C10orf67: variants seen among roughly 807,000 people sequenced by gnomAD.
The protein encoded by C10orf67 is chromosome 10 open reading frame 67, also known as uncharacterized protein C10orf67, mitochondrial.
In C10orf67, 60 loss-of-function variants were observed where a neutral mutation model predicts 35.6. The observed-to-expected ratio is 1.68, with a 90% CI of 1.37 to 2.09. C10orf67 has a LOEUF of 2.09. Ranked by LOEUF, C10orf67 falls within the 30% of genes most tolerant of loss-of-function variation. The pLI, the probability that C10orf67 is intolerant of heterozygous loss-of-function variation, is 0.00. For missense variants in C10orf67, 474 were observed against 330.2 expected, an observed-to-expected ratio of 1.44 and a Z score of -3.38; for synonymous variants, 167 against 115.8, an observed-to-expected ratio of 1.44 and a Z score of -2.84.
intron 13 of C10orf67, among the ~76,000 whole-genome samples, chr10:23,236,690 C>T (rs1842061464): frequency 6.6e-6 from 1 of 151,976 alleles, no homozygotes; most frequent in Admixed American, 6.6e-5. Flanking sequence ...TCAGCCTGGT[C>T]AACATGGTGA....
intron 1 of C10orf67, chr10:23,344,338 G>T (rs1369992882): frequency 1.7e-6 from 1 of 580,574 alleles, no homozygotes; most frequent in Non-Finnish European, 3.1e-6. Context: ...GCACGCGCGG[G>T]AGGAGGGGAG....
chr10:23,254,974 G>GA (rs1300806985), intron 10 of C10orf67, among the ~76,000 whole-genome samples: 1 of 152,112 alleles, frequency 6.6e-6, no homozygotes, highest in African/African-American at 2.4e-5. Context: ...GACTCATCAT[G>GA]ATGAAGAATG....
Position 23,333,091 on chromosome 10 carries a change from A to G in C10orf67, c.298T>C (p.Leu100=). The G allele has an allele frequency of 6.2e-7, 1 of 1,612,252 alleles. No homozygotes were observed. The change falls in exon 2 of 16, where the codon TTG becomes CTG. Residue 100 remains leucine (L), a synonymous_variant. Coordinates refer to ENST00000636213, the MANE Select transcript of C10orf67 (RefSeq NM_001371909.1). ...GCTAACTTTTGCGTAGATGAACTCA[A>G]TTCTTTTACTGACAGTATTTCACTG... ...DSSEILSVKE[L]SSSTQKLAQM... is the part of the protein sequence containing the mutation.
At chr10:23,229,878 G>T (rs910239315) in intron 13 of C10orf67, among the ~76,000 whole-genome samples, 1 of 152,032 alleles carries the variant, frequency 6.6e-6, no homozygotes, top group African/African-American at 2.4e-5. Context: ...AAGACTCAGT[G>T]ATCAAGATGC....
chr10:23,220,174 G>GAA (rs1009244725), intron 15 of C10orf67, among the ~76,000 whole-genome samples: 1 of 146,744 alleles, frequency 6.8e-6, no homozygotes, highest in East Asian at 2.0e-4. Flanking sequence ...CCCATCTCAA[G>GAA]AAAAAAAAAA....
chr10:23,272,252 A>G (rs914022519), intron 8 of C10orf67, among the ~76,000 whole-genome samples: 8 of 152,176 alleles, frequency 5.3e-5, no homozygotes, highest in African/African-American at 1.9e-4. Flanking sequence ...GTAATTTGTT[A>G]TTTAAGAAAT....
intron 8 of C10orf67, among the ~76,000 whole-genome samples, chr10:23,274,304 G>T (rs1843117478): frequency 1.3e-5 from 2 of 152,116 alleles, no homozygotes; most frequent in African/African-American, 4.8e-5. Context: ...CAACTGGTCT[G>T]ACTAGAATTT....
At chr10:23,321,711 CATG>C (rs1242147297) in intron 3 of C10orf67, among the ~76,000 whole-genome samples, 1 of 152,142 alleles carries the variant, frequency 6.6e-6, no homozygotes, top group African/African-American at 2.4e-5. Context: ...TGGTACTTAA[CATG>C]GTGTGGTCAG....
chr10:23,290,024 C>A (rs1843672223), intron 6 of C10orf67, 66 bp from the exon 7 acceptor site: 1 of 709,194 alleles, frequency 1.4e-6, no homozygotes, highest in East Asian at 2.7e-5. Flanking sequence ...ATTTAAACGG[C>A]CTGCTTCAGG....
At chr10:23,205,816 C>A (rs1391242571) in intron 15 of C10orf67, among the ~76,000 whole-genome samples, 1 of 151,956 alleles carries the variant, frequency 6.6e-6, no homozygotes, top group Non-Finnish European at 1.5e-5. Flanking sequence ...AAATACAACT[C>A]AAAAAATCAT....
intron 15 of C10orf67, among the ~76,000 whole-genome samples, chr10:23,217,878 T>C (rs1841473739): frequency 2.0e-5 from 3 of 152,238 alleles, no homozygotes; most frequent in Non-Finnish European, 4.4e-5. Flanking sequence ...TAAATTTTTA[T>C]GATCTTGCAA....
At chr10:23,269,284 T>C (rs1054956396) in intron 8 of C10orf67, among the ~76,000 whole-genome samples, 1 of 152,132 alleles carries the variant, frequency 6.6e-6, no homozygotes, top group Non-Finnish European at 1.5e-5. Flanking sequence ...TAAATAAACA[T>C]ATATGTTTGC....
intron 4 of C10orf67, among the ~76,000 whole-genome samples, chr10:23,307,626 T>A (rs1380448712): frequency 7.1e-6 from 1 of 141,158 alleles, no homozygotes; most frequent in Non-Finnish European, 1.5e-5. Flanking sequence ...TTTTTTTTTT[T>A]AAGACAGGGT....
intron 4 of C10orf67, among the ~76,000 whole-genome samples, chr10:23,313,428 G>A (rs1447689740): frequency 2.9e-5 from 4 of 140,230 alleles, no homozygotes; most frequent in South Asian, 2.4e-4. Context: ...GGTGTAGGTC[G>A]AGATATCTTG....
intron 12 of C10orf67, among the ~76,000 whole-genome samples, chr10:23,247,956 A>G (rs1842358744): frequency 6.6e-6 from 1 of 152,170 alleles, no homozygotes; most frequent in Non-Finnish European, 1.5e-5. Flanking sequence ...GAGGGTTCCA[A>G]GGTGAGGGGA....
At chr10:23,342,240 A>ACG (rs911889225) in intron 1 of C10orf67, among the ~76,000 whole-genome samples, 2 of 149,144 alleles carry the variant, frequency 1.3e-5, no homozygotes, top group African/African-American at 5.0e-5. Flanking sequence ...ACACACACAC[A>ACG]CTCTCACACA....
chr10:23,313,966 G>A (rs566374541), intron 4 of C10orf67, among the ~76,000 whole-genome samples: 2 of 149,936 alleles, frequency 1.3e-5, no homozygotes, highest in Non-Finnish European at 2.9e-5. Flanking sequence ...CAGGCCAGGT[G>A]AGCAACGCTG....
intron 15 of C10orf67, among the ~76,000 whole-genome samples, chr10:23,208,740 C>G (rs1385356616): frequency 6.6e-6 from 1 of 152,154 alleles, no homozygotes; most frequent in East Asian, 1.9e-4. Flanking sequence ...CTTTGCAGTT[C>G]CCTCACACAT....
At chr10:23,342,367 G>A (rs1468431859) in intron 1 of C10orf67, among the ~76,000 whole-genome samples, 1 of 151,900 alleles carries the variant, frequency 6.6e-6, no homozygotes, top group Non-Finnish European at 1.5e-5. Context: ...TCCTGACTAG[G>A]ATGCAAACTC....
Sources: gnomAD v4.1 joint callset for allele counts (sites outside exome capture counted in the v4.1 genomes callset) on GRCh38, gnomAD v4.1.1 for gene constraint, MANE v1.5 for transcripts, NCBI Gene and HGNC (gene_info 2026-07-23, HGNC 2026-07-21) for gene names.